PPFIA1: variants seen among roughly 807,000 people sequenced by gnomAD.
PPFIA1 encodes the protein liprin-alpha-1.
Under a neutral mutation model 149.9 loss-of-function variants are expected in PPFIA1, and 25 were observed. That is an observed-to-expected ratio of 0.17 (90% CI 0.12 to 0.23). The LOEUF is 0.23. Ranked by LOEUF, PPFIA1 falls within the 10% of genes least tolerant of loss-of-function variation. PPFIA1 has a pLI of 1.00. For missense variants in PPFIA1, 1,362 were observed against 1,506.5 expected, an observed-to-expected ratio of 0.90 and a Z score of 1.59; for synonymous variants, 549 against 552.8, an observed-to-expected ratio of 0.99 and a Z score of 0.10.
At chr11:70,372,969 G>T (rs572486746) in intron 23 of PPFIA1, among the ~76,000 whole-genome samples, 3 of 152,220 alleles carry the variant, frequency 2.0e-5, no homozygotes, top group South Asian at 2.1e-4. Flanking sequence ...TATCCAAGGG[G>T]TTCAGGAGAA....
chr11:70,291,641 G>A (rs961972780), intron 2 of PPFIA1, among the ~76,000 whole-genome samples: 5 of 152,004 alleles, frequency 3.3e-5, no homozygotes, highest in African/African-American at 1.2e-4. Context: ...TGTGATTGAT[G>A]GAGATCTGCT....
intron 2 of PPFIA1, among the ~76,000 whole-genome samples, chr11:70,317,443 A>G (rs1053490695): frequency 1.3e-5 from 2 of 152,200 alleles, no homozygotes; most frequent in African/African-American, 2.4e-5. Flanking sequence ...GTAATCATGA[A>G]CGTCTATGAA....
chr11:70,378,249 T>TG, intron 26 of PPFIA1, 54 bp downstream of exon 26: 1 of 1,575,580 alleles, frequency 6.3e-7, no homozygotes, highest in Non-Finnish European at 8.6e-7. Context: ...AGCAGCTTTC[T>TG]GTCTGGAACA....
chr11:70,313,890 T>C (rs976103333), intron 2 of PPFIA1, among the ~76,000 whole-genome samples: 17 of 152,144 alleles, frequency 1.1e-4, no homozygotes, highest in Admixed American at 1.1e-3. Flanking sequence ...TGGTGGCGCA[T>C]GCCTGTGGTC....
chr11:70,315,785 T>C (rs1324329293), intron 2 of PPFIA1, among the ~76,000 whole-genome samples: 1 of 151,484 alleles, frequency 6.6e-6, no homozygotes, highest in Non-Finnish European at 1.5e-5. Context: ...ATATTCACAT[T>C]GTTGTGCAAC....
intron 2 of PPFIA1, chr11:70,279,033 A>G (rs529608300): frequency 3.8e-6 from 2 of 530,876 alleles, no homozygotes; most frequent in South Asian, 3.7e-5. Flanking sequence ...ACGAATGGCA[A>G]GTTGCAAGTA....
At chr11:70,382,304 G>A (rs991877586) in intron 27 of PPFIA1, 146 bp downstream of exon 27, 52 of 528,896 alleles carry the variant, frequency 9.8e-5, no homozygotes, top group Admixed American at 6.2e-4. Flanking sequence ...CAAGCTCTCC[G>A]TACCCATTAA....
In PPFIA1 at chr11:70,335,771, G is replaced by A. The variant is rs148844309; in HGVS notation, c.1428+77G>A. 1.4e-4 allele frequency: 217 copies of A among 1,515,772 alleles called. 2 individuals carry two copies. In the South Asian group the frequency reaches 2.1e-3, roughly 15 times the overall value. The allele number at this position is 1,515,772 out of a possible 1,614,324, so 93.9% of individuals were successfully genotyped here. A position where few individuals can be genotyped will look rare whatever the true frequency, so the allele number is the denominator to read the frequency against. On this transcript the variant is annotated intron_variant, in intron 11 of 27. Transcript: ENST00000253925. ...ATTGCTCATCTGCCCCTGAGCAGGC[G>A]TGTGTAACAGTGGTTAGCAGCTGTT...
chr11:70,351,397 C>G (rs909456745), intron 16 of PPFIA1, among the ~76,000 whole-genome samples: 3 of 152,212 alleles, frequency 2.0e-5, no homozygotes, highest in African/African-American at 7.2e-5. Flanking sequence ...TGGGCTCTTG[C>G]TGTATGCCAG....
intron 2 of PPFIA1, among the ~76,000 whole-genome samples, chr11:70,307,348 T>C (rs1350826786): frequency 1.3e-5 from 2 of 152,232 alleles, no homozygotes; most frequent in African/African-American, 4.8e-5. Context: ...AGTTAAATTA[T>C]GATTCATATT....
Position 70,367,655 on chromosome 11 carries a change from A to G in PPFIA1, c.2866-4560A>G, listed in dbSNP as rs79845723. On this transcript the variant is annotated intron_variant, in intron 21 of 27. Coordinates refer to ENST00000253925, the MANE Select transcript of PPFIA1 (RefSeq NM_003626.5). ...GTGGGTCTCCCTGGGATGGAGCCTGATCCTTCTGGGAGTTCATGTTATAGG... is the reference window on the plus strand; with the variant it reads ...GTGGGTCTCCCTGGGATGGAGCCTGGTCCTTCTGGGAGTTCATGTTATAGG... The G allele has an allele frequency of 6.8e-4, 309 of 454,400 alleles. 1 individual carries two copies. In the East Asian group the frequency reaches 0.016, roughly 24 times the overall value. 28.1% of individuals were successfully genotyped at this position (454,400 alleles called of 1,614,324 possible).
intron 2 of PPFIA1, among the ~76,000 whole-genome samples, chr11:70,295,508 G>T (rs1235394689): frequency 8.0e-6 from 1 of 124,952 alleles, no homozygotes; most frequent in African/African-American, 3.1e-5. Flanking sequence ...GGGTGGGGGG[G>T]CTGACCCCCC....
intron 2 of PPFIA1, among the ~76,000 whole-genome samples, chr11:70,280,443 C>G (rs1263124738): frequency 6.6e-6 from 1 of 152,014 alleles, no homozygotes; most frequent in Non-Finnish European, 1.5e-5. Flanking sequence ...GTGGCACATG[C>G]CTGTAATCCC....
intron 21 of PPFIA1, among the ~76,000 whole-genome samples, chr11:70,366,158 A>G (rs567796770): frequency 1.7e-4 from 26 of 152,318 alleles, no homozygotes; most frequent in African/African-American, 5.5e-4. Context: ...CTCATGGACA[A>G]TTTTGAACAT....
intron 2 of PPFIA1, among the ~76,000 whole-genome samples, chr11:70,314,364 G>A (rs1001726339): frequency 3.9e-5 from 6 of 152,158 alleles, no homozygotes; most frequent in East Asian, 1.9e-4. Context: ...AACCCAGGCT[G>A]GGGAAAAGTT....
At chr11:70,350,105 G>C (rs527685854) in intron 16 of PPFIA1, 3 of 338,522 alleles carry the variant, frequency 8.9e-6, no homozygotes, top group East Asian at 1.0e-4. Context: ...TTTATTAATG[G>C]GTTGTTTTTT....
intron 1 of PPFIA1, chr11:70,271,955 C>T (rs1183726913): frequency 7.1e-6 from 4 of 561,722 alleles, no homozygotes; most frequent in Non-Finnish European, 6.2e-6. Context: ...TGACCCCTTC[C>T]CTGGATTTTT....
intron 26 of PPFIA1, chr11:70,381,343 A>G (rs1294797728): frequency 6.6e-6 from 1 of 152,182 alleles, no homozygotes; most frequent in Non-Finnish European, 1.5e-5. Flanking sequence ...AAAAACTTAA[A>G]ATCCCAGTTG....
At chr11:70,330,103 T>C in intron 7 of PPFIA1, 70 bp from the exon 8 acceptor site, 1 of 1,385,722 alleles carries the variant, frequency 7.2e-7, no homozygotes, top group Non-Finnish European at 9.8e-7. Flanking sequence ...AGTTTTTTTC[T>C]CTCTTAAGTA....
Sources: gnomAD v4.1 joint callset for allele counts (sites outside exome capture counted in the v4.1 genomes callset) on GRCh38, gnomAD v4.1.1 for gene constraint, MANE v1.5 for transcripts, NCBI Gene and HGNC (gene_info 2026-07-23, HGNC 2026-07-21) for gene names.